The following ZNF385D variants were observed in gnomAD, a reference collection of about 807,000 sequenced individuals.
The protein encoded by ZNF385D is zinc finger protein 385D, also known as zinc finger protein 659.
Under a neutral mutation model 35.8 loss-of-function variants are expected in ZNF385D, and 15 were observed. That is an observed-to-expected ratio of 0.42 (90% CI 0.28 to 0.64). ZNF385D has a LOEUF of 0.64. Among genes scored for constraint, ZNF385D ranks in the 30% least tolerant of loss-of-function variants. The pLI, the probability that ZNF385D is intolerant of heterozygous loss-of-function variation, is 0.23. For missense variants in ZNF385D, 474 were observed against 494.6 expected (o/e 0.96, Z 0.39); for synonymous variants, 212 against 186.8 (o/e 1.13, Z -1.10).
intron 2 of ZNF385D, among the ~76,000 whole-genome samples, chr3:22,171,094 A>G (rs1276191096): frequency 2.0e-5 from 3 of 149,424 alleles, no homozygotes; most frequent in East Asian, 3.9e-4. Context: ...AAAAAATTGC[A>G]CATGATGACC....
chr3:22,147,513 T>C (rs1016719549), intron 3 of ZNF385D, among the ~76,000 whole-genome samples: 5 of 152,128 alleles, frequency 3.3e-5, no homozygotes, highest in African/African-American at 1.2e-4. Flanking sequence ...CTGGTAAAGA[T>C]GGTGTCAATA....
At chr3:22,265,512 T>C (rs535418405) in intron 2 of ZNF385D, among the ~76,000 whole-genome samples, 4 of 151,956 alleles carry the variant, frequency 2.6e-5, no homozygotes, top group Non-Finnish European at 5.9e-5. Context: ...AGAAACGCAG[T>C]TGATTACTTA....
chr3:22,232,320 C>A (rs994732099), intron 2 of ZNF385D, among the ~76,000 whole-genome samples: 1 of 108,824 alleles, frequency 9.2e-6, no homozygotes, highest in Non-Finnish European at 1.7e-5. Flanking sequence ...TATGATTACA[C>A]CTTTTTTTTT....
chr3:21,810,769 T>C (rs993970766), intron 3 of ZNF385D, among the ~76,000 whole-genome samples: 7 of 151,894 alleles, frequency 4.6e-5, no homozygotes, highest in Admixed American at 3.3e-4. Context: ...CATATGAAGC[T>C]GGAGACATCC....
At chr3:21,719,790 TC>T (rs760348042) in intron 1 of ZNF385D, among the ~76,000 whole-genome samples, 1 of 152,178 alleles carries the variant, frequency 6.6e-6, no homozygotes, top group Non-Finnish European at 1.5e-5. Flanking sequence ...ATATTCTTTT[TC>T]CCCTGCAGTA....
At chr3:21,857,752 A>G (rs2125823252) in intron 3 of ZNF385D, among the ~76,000 whole-genome samples, 1 of 152,020 alleles carries the variant, frequency 6.6e-6, no homozygotes, top group Non-Finnish European at 1.5e-5. Context: ...TTGACCAAAC[A>G]CAACGGGAAG....
chr3:21,606,224 T>C (rs2064478363), intron 2 of ZNF385D, among the ~76,000 whole-genome samples: 1 of 152,196 alleles, frequency 6.6e-6, no homozygotes, highest in Admixed American at 6.5e-5. Context: ...CTTGCTTTTC[T>C]GGGCTCCAGC....
intron 1 of ZNF385D, among the ~76,000 whole-genome samples, chr3:21,715,573 C>CT (rs1172214895): frequency 3.3e-5 from 5 of 151,804 alleles, no homozygotes; most frequent in East Asian, 2.0e-4. Flanking sequence ...AGTTCACATG[C>CT]TTTTTTTAAA....
intron 2 of ZNF385D, among the ~76,000 whole-genome samples, chr3:21,614,874 A>G (rs926104377): frequency 7.9e-5 from 12 of 152,190 alleles, no homozygotes; most frequent in African/African-American, 2.9e-4. Flanking sequence ...GGCATAAGCC[A>G]TCGTGCCCGG....
At chr3:21,945,179 G>C (rs546339255) in intron 3 of ZNF385D, among the ~76,000 whole-genome samples, 1 of 108,188 alleles carries the variant, frequency 9.2e-6, no homozygotes, top group Non-Finnish European at 1.9e-5. Context: ...TATATAGTGA[G>C]AGAGAGAGAG....
At chr3:22,022,092 G>T (rs1019252954) in intron 3 of ZNF385D, among the ~76,000 whole-genome samples, 1 of 152,018 alleles carries the variant, frequency 6.6e-6, no homozygotes, top group Non-Finnish European at 1.5e-5. Flanking sequence ...TAACTGATGA[G>T]TTCAGATTGT....
At chr3:21,987,744 G>C (rs1413516378) in intron 3 of ZNF385D, among the ~76,000 whole-genome samples, 1 of 143,558 alleles carries the variant, frequency 7.0e-6, no homozygotes. Context: ...AGTTCTCCTG[G>C]ATAATATCCT....
intron 2 of ZNF385D, among the ~76,000 whole-genome samples, chr3:21,598,151 C>T (rs1266907254): frequency 6.6e-6 from 1 of 152,094 alleles, no homozygotes; most frequent in East Asian, 1.9e-4. Flanking sequence ...AGAAACGCAT[C>T]CTGCAAATAA....
intron 3 of ZNF385D, among the ~76,000 whole-genome samples, chr3:21,778,803 T>C (rs2071387969): frequency 6.6e-6 from 1 of 151,956 alleles, no homozygotes; most frequent in African/African-American, 2.4e-5. Flanking sequence ...AAGTGTTTGA[T>C]AAACAGCCAC....
At chr3:22,228,392 C>T (rs957599803) in intron 2 of ZNF385D, among the ~76,000 whole-genome samples, 1 of 152,102 alleles carries the variant, frequency 6.6e-6, no homozygotes, top group Non-Finnish European at 1.5e-5. Flanking sequence ...AGCAGCCAAG[C>T]CCACCCAAAC....
chr3:21,791,484 G>A lies in ZNF385D; in HGVS notation c.326-126456C>T, dbSNP rs112532729. Among the ~76,000 whole-genome samples, 801 of 152,256 alleles carry A rather than the reference G, an allele frequency of 5.3e-3. 6 individuals are homozygous for A. Among genetic ancestry groups the A allele is most frequent in the African/African-American group, 0.017 (719 of 41,552 alleles). On this transcript the variant is annotated intron_variant, in intron 3 of 5. Coordinates refer to the ZNF385D transcript ENST00000494108. The stretch of plus-strand genomic sequence containing the variant: ...CCTTAAAATCAGAGGATTTAAGGAG[G>A]AACTCCTTTCCCCAAGAAGAAATCT...
chr3:21,431,363 C>A (rs1701284846), intron 5 of ZNF385D, among the ~76,000 whole-genome samples: 1 of 152,088 alleles, frequency 6.6e-6, no homozygotes, highest in South Asian at 2.1e-4. Context: ...TACCTGAAAT[C>A]ATTTACTATC....
chr3:22,356,723 C>T (rs889980283), intron 2 of ZNF385D, among the ~76,000 whole-genome samples: 17 of 151,822 alleles, frequency 1.1e-4, no homozygotes, highest in African/African-American at 3.9e-4. Context: ...AAGACAATGC[C>T]ATTCAAATGG....
chr3:22,039,160 T>C (rs1284223095), intron 3 of ZNF385D, among the ~76,000 whole-genome samples: 2 of 150,216 alleles, frequency 1.3e-5, no homozygotes, highest in Non-Finnish European at 2.9e-5. Flanking sequence ...GCAAAAAACC[T>C]CTAAGGATGT....
Sources: gnomAD v4.1 joint callset for allele counts (sites outside exome capture counted in the v4.1 genomes callset) on GRCh38, gnomAD v4.1.1 for gene constraint, MANE v1.5 for transcripts, NCBI Gene and HGNC (gene_info 2026-07-23, HGNC 2026-07-21) for gene names.